Variants in NCAM1 observed in about 807,000 individuals in gnomAD.
The protein encoded by NCAM1 is antigen recognized by monoclonal antibody 5.1H11.
NCAM1 carries 14 observed loss-of-function variants against 109.8 expected under a neutral mutation model. That is an observed-to-expected ratio of 0.13 (90% CI 0.08 to 0.20). The LOEUF (loss-of-function observed/expected upper bound fraction) is 0.20, where lower values mean the gene tolerates loss of function less well. Among genes scored for constraint, NCAM1 ranks in the 10% least tolerant of loss-of-function variants. The pLI is 1.00. For missense variants in NCAM1, 774 were observed against 1,109.9 expected (o/e 0.70, Z 4.30); for synonymous variants, 418 against 442.9 (o/e 0.94, Z 0.70).
chr11:113,104,595 A>G (rs1555092200), intron 1 of NCAM1, among the ~76,000 whole-genome samples: 1 of 152,144 alleles, frequency 6.6e-6, no homozygotes, highest in Non-Finnish European at 1.5e-5. Flanking sequence ...AATGAGAGCA[A>G]AGCTGAATCG....
At chr11:113,026,187 G>A (rs559197296) in intron 1 of NCAM1, among the ~76,000 whole-genome samples, 1 of 152,290 alleles carries the variant, frequency 6.6e-6, no homozygotes, top group South Asian at 2.1e-4. Context: ...GTACATTCCA[G>A]ACATAGCATC....
intron 1 of NCAM1, among the ~76,000 whole-genome samples, chr11:113,068,996 A>C (rs1221964545): frequency 6.6e-6 from 1 of 152,210 alleles, no homozygotes; most frequent in East Asian, 1.9e-4. Context: ...ATGTCCCAGC[A>C]CATGGTACTT....
intron 1 of NCAM1, among the ~76,000 whole-genome samples, chr11:113,160,562 C>T (rs576052634): frequency 6.6e-6 from 1 of 152,200 alleles, no homozygotes; most frequent in East Asian, 1.9e-4. Flanking sequence ...CAGAGCATTT[C>T]TTCCCCTGAA....
intron 1 of NCAM1, among the ~76,000 whole-genome samples, chr11:112,997,706 G>T (rs1485627959): frequency 5.9e-5 from 9 of 152,238 alleles, no homozygotes; most frequent in African/African-American, 2.2e-4. Context: ...AAGACCTAAA[G>T]AAATTATTTA....
intron 1 of NCAM1, among the ~76,000 whole-genome samples, chr11:113,093,528 C>A (rs1474799719): frequency 6.6e-6 from 1 of 152,154 alleles, no homozygotes; most frequent in Non-Finnish European, 1.5e-5. Flanking sequence ...TCCACAACCC[C>A]TTTAAGGTTT....
At chr11:113,140,105 G>A (rs1261354328) in intron 1 of NCAM1, among the ~76,000 whole-genome samples, 2 of 152,180 alleles carry the variant, frequency 1.3e-5, no homozygotes, top group South Asian at 2.1e-4. Context: ...AATTGAACAG[G>A]ACAAAGATGA....
At chr11:113,067,284 C>T (rs1245102) in intron 1 of NCAM1, among the ~76,000 whole-genome samples, 80,440 of 152,042 alleles carry the variant, frequency 0.53, 22,021 homozygotes, top group Middle Eastern at 0.58. Context: ...TTTTACTATC[C>T]GGTTTTCCAG....
At position 113,021,675 on chromosome 11, in the gene NCAM1, C is replaced by T. The variant is rs140144243; in HGVS notation, c.52+60011C>T. Among the ~76,000 whole-genome samples the T allele has an allele frequency of 8.0e-4, 122 of 152,288 alleles. 1 individual carries two copies. Among genetic ancestry groups the T allele is most frequent in the African/African-American group, 2.7e-3 (112 of 41,558 alleles). On this transcript the variant is annotated intron_variant, in intron 1 of 19. Transcript: ENST00000316851. Reference sequence around the variant, plus strand: ...CAAAATGCAACTAATAATGCCACAGCGATTTTCCCATTGTCATGTCACTAA... The same window carrying T: ...CAAAATGCAACTAATAATGCCACAGTGATTTTCCCATTGTCATGTCACTAA...
intron 1 of NCAM1, among the ~76,000 whole-genome samples, chr11:113,137,562 C>A (rs1222240616): frequency 1.3e-5 from 2 of 152,152 alleles, no homozygotes; most frequent in Non-Finnish European, 2.9e-5. Context: ...AAATATGAAA[C>A]CTACATGTCA....
At chr11:113,146,842 T>A (rs1164677157) in intron 1 of NCAM1, among the ~76,000 whole-genome samples, 1 of 151,188 alleles carries the variant, frequency 6.6e-6, no homozygotes, top group African/African-American at 2.4e-5. Context: ...TCCCAGATAA[T>A]CAATATGGAA....
chr11:113,161,742 C>CT (rs1942607564), intron 1 of NCAM1, among the ~76,000 whole-genome samples: 1 of 152,200 alleles, frequency 6.6e-6, no homozygotes, highest in Non-Finnish European at 1.5e-5. Context: ...CGCCCACCCC[C>CT]TTTGCCCATC....
chr11:112,984,399 T>C (rs1347451229), intron 1 of NCAM1, among the ~76,000 whole-genome samples: 1 of 151,996 alleles, frequency 6.6e-6, no homozygotes, highest in African/African-American at 2.4e-5. Context: ...TTCCTTTGGG[T>C]ACATATCCAG....
chr11:113,043,864 G>A (rs1555080368), intron 1 of NCAM1, among the ~76,000 whole-genome samples: 1 of 151,582 alleles, frequency 6.6e-6, no homozygotes, highest in African/African-American at 2.4e-5. Context: ...GCTCCACCTA[G>A]CATTGTGTCA....
intron 19 of NCAM1, among the ~76,000 whole-genome samples, chr11:113,272,735 C>A (rs1307295714): frequency 6.6e-6 from 1 of 152,068 alleles, no homozygotes; most frequent in Non-Finnish European, 1.5e-5. Flanking sequence ...TCTGTCGTCT[C>A]CTGTGTCCTC....
intron 1 of NCAM1, among the ~76,000 whole-genome samples, chr11:113,186,070 A>G (rs1208293264): frequency 6.6e-6 from 1 of 152,228 alleles, no homozygotes; most frequent in Non-Finnish European, 1.5e-5. Flanking sequence ...CTTTTAAGGC[A>G]TGGCCAGGCA....
At chr11:113,047,154 CT>C (rs1953299381) in intron 1 of NCAM1, among the ~76,000 whole-genome samples, 1 of 152,140 alleles carries the variant, frequency 6.6e-6, no homozygotes, top group African/African-American at 2.4e-5. Flanking sequence ...CAGGAGCTAA[CT>C]TTTTTATTGT....
At chr11:112,998,332 G>A (rs10891487) in intron 1 of NCAM1, among the ~76,000 whole-genome samples, 68,620 of 152,012 alleles carry the variant, frequency 0.45, 16,372 homozygotes, top group East Asian at 0.8. Flanking sequence ...GTCTGATTGA[G>A]AGTCCTGGAG....
intron 1 of NCAM1, among the ~76,000 whole-genome samples, chr11:113,152,900 G>C (rs1200501326): frequency 6.6e-5 from 10 of 152,136 alleles, no homozygotes; most frequent in Non-Finnish European, 1.5e-4. Context: ...GTTAAGAAAG[G>C]CAGTGACATC....
At chr11:113,105,121 CAG>C (rs1555092268) in intron 1 of NCAM1, among the ~76,000 whole-genome samples, 1 of 152,184 alleles carries the variant, frequency 6.6e-6, no homozygotes, top group African/African-American at 2.4e-5. Context: ...TTGGAGGAAA[CAG>C]TGCTGGATTT....
Sources: allele counts gnomAD v4.1 joint callset (sites outside exome capture counted in the v4.1 genomes callset), GRCh38; gene constraint gnomAD v4.1.1; transcripts MANE v1.5; gene names NCBI Gene and HGNC (gene_info 2026-07-23, HGNC 2026-07-21).